The following IVNS1ABP variants were observed in gnomAD, a reference collection of about 807,000 sequenced individuals.
IVNS1ABP encodes the protein influenza virus NS1A binding protein.
Under a neutral mutation model 78.9 loss-of-function variants are expected in IVNS1ABP, and 25 were observed. The ratio of observed to expected loss-of-function variants is 0.32; its 90% CI spans 0.23 to 0.44. The LOEUF (loss-of-function observed/expected upper bound fraction) is 0.44, where lower values mean the gene tolerates loss of function less well. IVNS1ABP is among the 20% of genes least tolerant of loss of function. The probability of loss-of-function intolerance (pLI) is 1.00; values close to 1 mark genes in which losing one functional copy is unlikely to be tolerated. For missense variants in IVNS1ABP, 494 were observed against 768.9 expected, an observed-to-expected ratio of 0.64 and a Z score of 4.23; for synonymous variants, 241 against 259.7, an observed-to-expected ratio of 0.93 and a Z score of 0.69.
chr1:185,300,620 A>G (rs1046253595), intron 10 of IVNS1ABP, 62 bp from the exon 11 acceptor site: 3 of 1,517,884 alleles, frequency 2.0e-6, no homozygotes, highest in Non-Finnish European at 1.8e-6. Context: ...CACGGTTTCC[A>G]GTCCTGTAAG....
chr1:185,307,632 C>G lies in IVNS1ABP; in HGVS notation c.388G>C (p.Asp130His). 6.2e-7 allele frequency: 1 copy of G among 1,613,388 alleles called. No homozygotes were observed. The highest frequency in any genetic ancestry group is 8.5e-7 in the Non-Finnish European group (1 of 1,179,568). ...CGGTAAGAGATGCAGCTGGTAACAT[C>G]CATTCTAGACAGTAAATAATCACCA... The part of the protein sequence containing the change: ...VCGDYLLSRM[D>H]VTSCISYRNF... The change falls in exon 6 of 15, where the codon GAT (aspartate) becomes CAT (histidine). Residue 130 changes from aspartate to histidine, a missense_variant. By Grantham distance (81) the Asp-to-His change is moderately conservative. Transcript: ENST00000367498.
rs1463929658 is a variant in IVNS1ABP at position 185,296,809 on chromosome 1, A to G, written c.*1226T>C. On this transcript the variant is annotated 3_prime_UTR_variant, in exon 15 of 15. Coordinates refer to ENST00000367498, the MANE Select transcript of IVNS1ABP (RefSeq NM_006469.5). The stretch of plus-strand genomic sequence containing the variant: ...GATGCCAGGTGAGTTATTTTCCACA[A>G]ATTTCTTAAGCTCATTACTGGAAAA... 2 of 152,138 alleles carry G rather than the reference A, an allele frequency of 1.3e-5. No individual in the cohort carries two copies. Among genetic ancestry groups the G allele is most frequent in the Admixed American group, 1.3e-4 (2 of 15,266 alleles). 9.4% of individuals were successfully genotyped at this position (152,138 alleles called of 1,614,324 possible). A position where few individuals can be genotyped will look rare whatever the true frequency, so the allele number is the denominator to read the frequency against.
At chr1:185,300,782 C>T (rs1476123461) in intron 10 of IVNS1ABP, 190 bp downstream of exon 10, 4 of 695,184 alleles carry the variant, frequency 5.8e-6, no homozygotes, top group Non-Finnish European at 9.4e-6. Flanking sequence ...AAAATTTAGC[C>T]ATGACATAAT....
chr1:185,316,769 G>A (rs987471161), intron 1 of IVNS1ABP, among the ~76,000 whole-genome samples, 184 bp downstream of exon 1: 20 of 152,168 alleles, frequency 1.3e-4, no homozygotes, highest in Non-Finnish European at 5.9e-5. Context: ...TGGAGCGCGG[G>A]CCCAGCGCGG....
At chr1:185,302,295 C>G (rs1448265997) in intron 8 of IVNS1ABP, among the ~76,000 whole-genome samples, 1 of 152,160 alleles carries the variant, frequency 6.6e-6, no homozygotes, top group African/African-American at 2.4e-5. Context: ...TGTAAGAGAA[C>G]TACTTTACAC....
At chr1:185,306,657 AC>A in intron 7 of IVNS1ABP, 1 of 1,155,804 alleles carries the variant, frequency 8.7e-7, no homozygotes, top group Non-Finnish European at 1.1e-6. Flanking sequence ...GGGAGGAACA[AC>A]CATTAGAAGC....
At chr1:185,309,756 G>A (rs1364600099) in intron 2 of IVNS1ABP, among the ~76,000 whole-genome samples, 10 of 152,062 alleles carry the variant, frequency 6.6e-5, no homozygotes. Flanking sequence ...CGACAATTTT[G>A]GCCAGGTTCC....
At chr1:185,301,628 T>C in intron 8 of IVNS1ABP, 65 bp from the exon 9 acceptor site, 1 of 1,581,030 alleles carries the variant, frequency 6.3e-7, no homozygotes, top group African/African-American at 1.3e-5. Context: ...CCTTTGTTCC[T>C]GAGCTATTCC....
intron 1 of IVNS1ABP, among the ~76,000 whole-genome samples, chr1:185,311,770 C>T (rs1421744888): frequency 6.6e-6 from 1 of 152,170 alleles, no homozygotes; most frequent in East Asian, 1.9e-4. Context: ...ACTTCCCAGG[C>T]TCTGTTAACT....
intron 14 of IVNS1ABP, 35 bp downstream of exon 14, chr1:185,299,675 A>C: frequency 6.2e-7 from 1 of 1,603,302 alleles, no homozygotes; most frequent in South Asian, 1.1e-5. Context: ...TCTTGCCACT[A>C]TCTACTCTTC....
At position 185,307,060 on chromosome 1, in the gene IVNS1ABP, CG is replaced by C; in HGVS notation, c.610del (p.Arg204ValfsTer13). The C allele has an allele frequency of 6.2e-7, 1 of 1,613,538 alleles. No individual in the cohort carries two copies. Among genetic ancestry groups the C allele is most frequent in the Non-Finnish European group, 8.5e-7 (1 of 1,179,528 alleles). ...ACTGTCTCCATTCTCCCAGATGCTACGCTGCACCCAGTTGATTACCTTTGTA... is the reference window on the plus strand; with the variant it reads ...ACTGTCTCCATTCTCCCAGATGCTACCTGCACCCAGTTGATTACCTTTGTA... ...LYTKVINWVQ[R>X]SIWENGDSLE... On this transcript the variant is annotated frameshift_variant, in exon 7 of 15. Coordinates refer to ENST00000367498, the MANE Select transcript of IVNS1ABP (RefSeq NM_006469.5). LOFTEE classifies it high-confidence loss of function.
At chr1:185,313,750 G>A (rs985804397) in intron 1 of IVNS1ABP, among the ~76,000 whole-genome samples, 1 of 150,586 alleles carries the variant, frequency 6.6e-6, no homozygotes, top group African/African-American at 2.4e-5. Flanking sequence ...AGAATTGTTT[G>A]GTGTTTAAAA....
chr1:185,297,918 A>C lies in IVNS1ABP; in HGVS notation c.*117T>G. ...TGTTTAATAGTATGCAATATGCAAA[A>C]GCTTTGTGTTGCTGTTAGCAACATC... is the stretch of plus-strand genomic sequence containing the variant. On this transcript the variant is annotated 3_prime_UTR_variant, in exon 15 of 15. Transcript: ENST00000367498. 1.0e-6 allele frequency: 1 copy of C among 961,892 alleles called. No homozygotes were observed. The highest frequency in any genetic ancestry group is 1.6e-6 in the Non-Finnish European group (1 of 634,098). 59.6% of individuals were successfully genotyped at this position (961,892 alleles called of 1,614,324 possible). A position where few individuals can be genotyped will look rare whatever the true frequency, so the allele number is the denominator to read the frequency against.
At chr1:185,306,683 C>G in intron 7 of IVNS1ABP, 1 of 1,125,072 alleles carries the variant, frequency 8.9e-7, no homozygotes, top group Admixed American at 4.7e-5. Context: ...ACCTACTTGT[C>G]AAATTTAAAG....
intron 3 of IVNS1ABP, 24 bp from the exon 4 acceptor site, chr1:185,309,196 T>C (rs756681208): frequency 6.5e-7 from 1 of 1,528,952 alleles, no homozygotes; most frequent in Admixed American, 2.1e-5. Context: ...GAATTATAAT[T>C]ATAAGTATTG....
At chr1:185,304,859 A>G (rs1473386861) in intron 8 of IVNS1ABP, among the ~76,000 whole-genome samples, 2 of 152,142 alleles carry the variant, frequency 1.3e-5, no homozygotes, top group African/African-American at 4.8e-5. Flanking sequence ...ATTTGTCCAT[A>G]AACTTAAAAA....
In IVNS1ABP at chr1:185,298,415, AAG is replaced by A. The variant is rs1483223879; in HGVS notation, c.1676-129_1676-128del. On this transcript the variant is annotated intron_variant, in intron 14 of 14. Coordinates refer to ENST00000367498, the MANE Select transcript of IVNS1ABP (RefSeq NM_006469.5). The surrounding 1 kb of genome is among the most constrained non-coding windows in gnomAD (Gnocchi z 4.1). ...AGAAATGCCTGTTCATTTTGTCAAAAAGAATTTATTAAATGCCTAATATGACA... is the reference window on the plus strand; with the variant it reads ...AGAAATGCCTGTTCATTTTGTCAAAAAATTTATTAAATGCCTAATATGACA... 4 of 821,390 alleles carry A rather than the reference AAG, an allele frequency of 4.9e-6. No individual in the cohort carries two copies. The highest frequency in any genetic ancestry group is 5.9e-5 in the Admixed American group (2 of 33,782). The allele number at this position is 821,390 out of a possible 1,614,324, so 50.9% of individuals were successfully genotyped here.
Position 185,296,759 on chromosome 1 carries a change from A to AT in IVNS1ABP, c.*1275dup, listed in dbSNP as rs1665429940. The AT allele has an allele frequency of 6.6e-6, 1 of 152,092 alleles. No homozygotes were observed. The allele number at this position is 152,092 out of a possible 1,614,324, so 9.4% of individuals were successfully genotyped here. On this transcript the variant is annotated 3_prime_UTR_variant, in exon 15 of 15. Transcript: ENST00000367498. ...ATCTTCTGTGAGAAAAAAAAACCTT[A>AT]TATCATTCCTTATTTCAGATGTAAG...
chr1:185,308,114 G>A lies in IVNS1ABP; in HGVS notation c.358-452C>T. 6 of 1,389,976 alleles carry A rather than the reference G, an allele frequency of 4.3e-6. No homozygotes were observed. The South Asian group carries it at 7.2e-5, about 17-fold the overall frequency. 86.1% of individuals were successfully genotyped at this position (1,389,976 alleles called of 1,614,324 possible). On this transcript the variant is annotated intron_variant, in intron 5 of 14. Transcript: ENST00000367498. ...GGGAAAATCTAGAAACTAAATGCAG[G>A]GATATGTACTGTAAATTAAGGAAGG... is the stretch of plus-strand genomic sequence containing the variant.
Sources: allele counts gnomAD v4.1 joint callset (sites outside exome capture counted in the v4.1 genomes callset), GRCh38; gene constraint gnomAD v4.1.1; non-coding constraint Gnocchi (gnomAD v3.1); transcripts MANE v1.5; gene names NCBI Gene and HGNC (gene_info 2026-07-23, HGNC 2026-07-21).